The following DACH1 variants were observed in gnomAD, a reference collection of about 807,000 sequenced individuals.
DACH1 encodes dachshund homolog 1.
A neutral mutation model predicts 54.2 loss-of-function variants in DACH1; 12 were observed. The observed-to-expected ratio is 0.22, with a 90% CI of 0.14 to 0.36. DACH1 has a LOEUF of 0.36. Ranked by LOEUF, DACH1 falls within the 10% of genes least tolerant of loss-of-function variation. The probability of loss-of-function intolerance (pLI) is 1.00; values close to 1 mark genes in which losing one functional copy is unlikely to be tolerated. For missense variants in DACH1, 805 were observed against 929.8 expected (o/e 0.87, Z 1.75); for synonymous variants, 386 against 366.2 (o/e 1.05, Z -0.62).
At chr13:71,699,198 G>A (rs1566441138) in intron 1 of DACH1, among the ~76,000 whole-genome samples, 1 of 151,960 alleles carries the variant, frequency 6.6e-6, no homozygotes, top group Non-Finnish European at 1.5e-5. Context: ...TATACCAAGG[G>A]GAGCTACAAT....
intron 1 of DACH1, among the ~76,000 whole-genome samples, chr13:71,774,597 T>C (rs1464220596): frequency 6.6e-6 from 1 of 152,160 alleles, no homozygotes; most frequent in Non-Finnish European, 1.5e-5. Flanking sequence ...TCATTATTTA[T>C]AATCCATGCT....
intron 1 of DACH1, among the ~76,000 whole-genome samples, chr13:71,733,079 G>A (rs990248898): frequency 2.8e-4 from 42 of 152,114 alleles, no homozygotes; most frequent in African/African-American, 9.9e-4. Flanking sequence ...AAAAAAAATG[G>A]TATTCATAAA....
intron 6 of DACH1, among the ~76,000 whole-genome samples, chr13:71,497,541 A>C (rs1335001086): frequency 6.6e-6 from 1 of 152,064 alleles, no homozygotes; most frequent in African/African-American, 2.4e-5. Flanking sequence ...CATGTTGGTC[A>C]TGCTGGTCTC....
intron 10 of DACH1, among the ~76,000 whole-genome samples, chr13:71,462,635 C>A (rs550396947): frequency 6.6e-6 from 1 of 151,958 alleles, no homozygotes; most frequent in South Asian, 2.1e-4. Flanking sequence ...ATAGCAAAAT[C>A]TTTTCAACAC....
At chr13:71,733,473 A>G (rs941237316) in intron 1 of DACH1, among the ~76,000 whole-genome samples, 4 of 152,146 alleles carry the variant, frequency 2.6e-5, no homozygotes, top group African/African-American at 9.7e-5. Context: ...TGACCAACAC[A>G]CCTGGCCTAT....
chr13:71,690,331 C>T (rs1398792459), intron 1 of DACH1, among the ~76,000 whole-genome samples: 3 of 152,170 alleles, frequency 2.0e-5, no homozygotes, highest in African/African-American at 7.2e-5. Flanking sequence ...ATACCATTTG[C>T]AAATTTCATT....
chr13:71,630,291 T>C lies in DACH1; in HGVS notation c.1126+265A>G, dbSNP rs1876992699. 2.0e-5 allele frequency among the ~76,000 whole-genome samples: 3 copies of C among 152,190 alleles called. No individual in the cohort carries two copies. In the South Asian group the frequency reaches 6.2e-4, roughly 31 times the overall value. On this transcript the variant is annotated intron_variant, in intron 3 of 10. Transcript: ENST00000613252. ...ATTCTCTTGATTAAACTTTGTATTA[T>C]AAAAGATGTTAGCTGAATGATTTTA...
rs78124742 is a variant in DACH1 at position 71,656,651 on chromosome 13, G to C, written c.964+25144C>G. On this transcript the variant is annotated intron_variant, in intron 2 of 10. Transcript: ENST00000613252. The stretch of plus-strand genomic sequence containing the variant: ...TAAATTATGTTAGTTCCTTTGCATA[G>C]GCTGTCATCCTATCTCTATAATGCT... Among the ~76,000 whole-genome samples the C allele has an allele frequency of 5.0e-3, 755 of 151,514 alleles. 6 individuals are homozygous for C. Among genetic ancestry groups the C allele is most frequent in the African/African-American group, 0.016 (667 of 41,320 alleles).
At chr13:71,546,807 C>A (rs1260754902) in intron 6 of DACH1, among the ~76,000 whole-genome samples, 1 of 152,008 alleles carries the variant, frequency 6.6e-6, no homozygotes, top group South Asian at 2.1e-4. Context: ...GCACTAAAAA[C>A]AATTGAATAC....
At chr13:71,849,801 A>C (rs1594299590) in intron 1 of DACH1, among the ~76,000 whole-genome samples, 1 of 152,316 alleles carries the variant, frequency 6.6e-6, no homozygotes, top group East Asian at 1.9e-4. Flanking sequence ...AAATTCATTC[A>C]TTTAGCTTCA....
chr13:71,676,029 TTAAA>T (rs1187771959), intron 2 of DACH1, among the ~76,000 whole-genome samples: 10 of 152,240 alleles, frequency 6.6e-5, no homozygotes, highest in Admixed American at 1.3e-4. Context: ...CATCAAGTGT[TTAAA>T]TAGTAAATAT....
At chr13:71,525,467 A>G (rs553593252) in intron 6 of DACH1, among the ~76,000 whole-genome samples, 2 of 152,304 alleles carry the variant, frequency 1.3e-5, no homozygotes, top group South Asian at 4.1e-4. Context: ...ATTATTTTAA[A>G]CAATATAAAT....
intron 6 of DACH1, among the ~76,000 whole-genome samples, chr13:71,555,755 T>A (rs1884207095): frequency 6.6e-6 from 1 of 152,158 alleles, no homozygotes; most frequent in African/African-American, 2.4e-5. Flanking sequence ...TTATTGTTAA[T>A]GAAGAGGTTG....
chr13:71,581,696 T>C (rs1008733338), intron 3 of DACH1, among the ~76,000 whole-genome samples: 3 of 151,830 alleles, frequency 2.0e-5, no homozygotes, highest in Admixed American at 2.0e-4. Context: ...GAAAGATGAA[T>C]TCAGCATCTA....
At chr13:71,559,737 T>G in intron 5 of DACH1, 83 bp downstream of exon 5, 1 of 1,546,508 alleles carries the variant, frequency 6.5e-7, no homozygotes, top group South Asian at 1.1e-5. Context: ...GAGATCTATT[T>G]GGAATGAGGG....
At chr13:71,479,004 T>C (rs1439116335) in intron 8 of DACH1, among the ~76,000 whole-genome samples, 165 bp downstream of exon 8, 1 of 152,150 alleles carries the variant, frequency 6.6e-6, no homozygotes, top group Non-Finnish European at 1.5e-5. Flanking sequence ...ACATGTACTT[T>C]GGAGATTAAG....
At chr13:71,782,013 A>T (rs1886403156) in intron 1 of DACH1, among the ~76,000 whole-genome samples, 1 of 152,222 alleles carries the variant, frequency 6.6e-6, no homozygotes, top group African/African-American at 2.4e-5. Flanking sequence ...TTGGTTGCCC[A>T]GTAAAATATA....
Position 71,758,344 on chromosome 13 carries a change from G to A in DACH1, c.849-76434C>T, listed in dbSNP as rs544687336. Among the ~76,000 whole-genome samples, 103 of 152,314 alleles carry A rather than the reference G, an allele frequency of 6.8e-4. 1 individual carries two copies. Among genetic ancestry groups the A allele is most frequent in the African/African-American group, 2.5e-3 (103 of 41,572 alleles). On this transcript the variant is annotated intron_variant, in intron 1 of 10. Transcript: ENST00000613252. ...TTAAGCTACTGATCCTATAAAAAGA[G>A]ATCCCTGGAAAACACCTCTGTAGGT...
intron 1 of DACH1, among the ~76,000 whole-genome samples, chr13:71,816,656 ACACG>A (rs1169223906): frequency 8.0e-5 from 2 of 24,934 alleles, no homozygotes; most frequent in Admixed American, 5.7e-4. Context: ...GTATATATAT[ACACG>A]TGTATATATA....
Sources: gnomAD v4.1 joint callset for allele counts (sites outside exome capture counted in the v4.1 genomes callset) on GRCh38, gnomAD v4.1.1 for gene constraint, MANE v1.5 for transcripts, NCBI Gene and HGNC (gene_info 2026-07-23, HGNC 2026-07-21) for gene names.